ZZEF1: variants seen among roughly 807,000 people sequenced by gnomAD.
The protein encoded by ZZEF1 is zinc finger ZZ-type and EF-hand domain-containing protein 1.
In ZZEF1, 157 loss-of-function variants were observed where a neutral mutation model predicts 342.8. The observed-to-expected ratio is 0.46, with a 90% CI of 0.40 to 0.52. ZZEF1 has a LOEUF of 0.52. ZZEF1 is among the 20% of genes least tolerant of loss of function. The pLI is 0.00. For missense variants in ZZEF1, 3,480 were observed against 3,725.6 expected (o/e 0.93, Z 1.72); for synonymous variants, 1,505 against 1,429.1 (o/e 1.05, Z -1.20).
intron 26 of ZZEF1, among the ~76,000 whole-genome samples, chr17:4,068,107 T>C (rs999339637): frequency 6.6e-6 from 1 of 152,086 alleles, no homozygotes; most frequent in African/African-American, 2.4e-5. Flanking sequence ...AAAATGTGTA[T>C]GGATACACAT....
chr17:4,077,126 G>A (rs1013085284), intron 19 of ZZEF1, 137 bp from the exon 20 acceptor site: 6 of 768,576 alleles, frequency 7.8e-6, no homozygotes, highest in Non-Finnish European at 1.1e-5. Flanking sequence ...GCCAGCAAGT[G>A]CCGTCCTAAT....
chr17:4,049,586 T>C (rs865860204), intron 37 of ZZEF1, 122 bp downstream of exon 37: 4 of 1,133,826 alleles, frequency 3.5e-6, no homozygotes, highest in Middle Eastern at 4.3e-4. Context: ...GGAGCAGGCA[T>C]GTGAATCCAG....
intron 21 of ZZEF1, among the ~76,000 whole-genome samples, chr17:4,075,754 C>T (rs2057599840): frequency 2.0e-5 from 3 of 151,582 alleles, no homozygotes; most frequent in Admixed American, 2.0e-4. Flanking sequence ...GTTTAAAGAC[C>T]TCACATTCCT....
At position 4,112,821 on chromosome 17, in the gene ZZEF1, A is replaced by G. The variant is rs1271691633; in HGVS notation, c.867-13T>C. Reference sequence around the variant, plus strand: ...CTTCATTTTTAAACTGGAAAACACAAAAAGCAGAAATTACAAATGTTTATA... The same window carrying G: ...CTTCATTTTTAAACTGGAAAACACAGAAAGCAGAAATTACAAATGTTTATA... On this transcript the variant is annotated splice_polypyrimidine_tract_variant and intron_variant, in intron 4 of 54. Transcript: ENST00000381638. The G allele has an allele frequency of 3.9e-6, 6 of 1,542,762 alleles. No homozygotes were observed. The Admixed American group carries it at 8.2e-5, about 21-fold the overall frequency.
intron 42 of ZZEF1, among the ~76,000 whole-genome samples, chr17:4,030,343 CT>C (rs1197648686): frequency 1.3e-5 from 2 of 152,152 alleles, no homozygotes; most frequent in Non-Finnish European, 2.9e-5. Flanking sequence ...TCTAAATAAA[CT>C]GAATGATGTA....
intron 24 of ZZEF1, 57 bp downstream of exon 24, chr17:4,074,093 C>T (rs1270725951): frequency 2.3e-5 from 36 of 1,588,238 alleles, no homozygotes; most frequent in Middle Eastern, 1.9e-4. Flanking sequence ...AGGGCAAGCG[C>T]GCATCTTGCA....
chr17:4,007,098 C>A, intron 54 of ZZEF1, 128 bp from the exon 55 acceptor site: 1 of 762,722 alleles, frequency 1.3e-6, no homozygotes, highest in Non-Finnish European at 2.1e-6. Flanking sequence ...TGTTCCCCTC[C>A]CCCACAGGCC....
intron 30 of ZZEF1, 32 bp downstream of exon 30, chr17:4,062,721 G>A: frequency 1.9e-6 from 3 of 1,554,002 alleles, no homozygotes; most frequent in East Asian, 2.3e-5. Context: ...GATCTTTGCT[G>A]TTTTCCTTCT....
intron 29 of ZZEF1, among the ~76,000 whole-genome samples, chr17:4,063,734 T>C (rs1179469625): frequency 6.7e-6 from 1 of 150,036 alleles, no homozygotes; most frequent in East Asian, 2.0e-4. Flanking sequence ...GGTCATTTTT[T>C]TTTTTTTTTT....
intron 46 of ZZEF1, among the ~76,000 whole-genome samples, chr17:4,018,981 T>C (rs2056191501): frequency 7.3e-6 from 1 of 137,606 alleles, no homozygotes; most frequent in South Asian, 2.1e-4. Flanking sequence ...TGCCTACCTC[T>C]GGACTGTTAT....
intron 39 of ZZEF1, among the ~76,000 whole-genome samples, chr17:4,039,641 CTTTTTTTTTTT>C (rs1166970366): frequency 8.4e-6 from 1 of 119,598 alleles, no homozygotes; most frequent in Non-Finnish European, 1.7e-5. Context: ...AGAAAGAGAA[CTTTTTTTTTTT>C]TTTTTTTTTG....
At chr17:4,130,846 G>A (rs2058651976) in intron 1 of ZZEF1, among the ~76,000 whole-genome samples, 2 of 152,162 alleles carry the variant, frequency 1.3e-5, no homozygotes, top group Admixed American at 6.6e-5. Flanking sequence ...GCATCACAGT[G>A]AAATTTTTTA....
At position 4,095,975 on chromosome 17, in the gene ZZEF1, C is replaced by T. The variant is rs779043165; in HGVS notation, c.1769G>A (p.Arg590Gln). The change falls in exon 11 of 55, where the codon CGA becomes CAA. Residue 590 changes from arginine (R) to glutamine (Q), a missense_variant. By Grantham distance (43) the Arg-to-Gln change is conservative (BLOSUM62 1). Transcript: ENST00000381638. ...FQVTQIRIMV[R>Q]RGGIGAQCGL... is the part of the protein sequence containing the mutation. ...ACACTGGGCACCAATGCCACCACGT[C>T]GAACCTGGAAACAGAGATTAGGATG... The T allele has an allele frequency of 1.1e-5, 17 of 1,607,932 alleles. No individual in the cohort carries two copies. The highest frequency in any genetic ancestry group is 3.4e-6 in the Non-Finnish European group (4 of 1,176,638).
intron 6 of ZZEF1, among the ~76,000 whole-genome samples, chr17:4,106,866 T>C (rs1326618361): frequency 6.6e-6 from 1 of 152,202 alleles, no homozygotes; most frequent in Admixed American, 6.5e-5. Flanking sequence ...CGCTTAATGA[T>C]AATGGTAATG....
At chr17:4,134,622 CACA>C (rs1479277419) in intron 1 of ZZEF1, among the ~76,000 whole-genome samples, 1 of 151,978 alleles carries the variant, frequency 6.6e-6, no homozygotes, top group Non-Finnish European at 1.5e-5. Context: ...TTATATTTTC[CACA>C]ACAACTCTAA....
intron 2 of ZZEF1, among the ~76,000 whole-genome samples, chr17:4,121,254 T>C (rs762818254): frequency 2.0e-5 from 3 of 152,206 alleles, no homozygotes; most frequent in Non-Finnish European, 4.4e-5. Context: ...GGTGTCCAAA[T>C]AAAGCTCCTG....
intron 39 of ZZEF1, among the ~76,000 whole-genome samples, chr17:4,039,641 CTT>C (rs1166970366): frequency 3.5e-4 from 42 of 119,536 alleles, no homozygotes; most frequent in African/African-American, 9.1e-4. Context: ...AGAAAGAGAA[CTT>C]TTTTTTTTTT....
chr17:4,054,530 C>T (rs534998081), intron 33 of ZZEF1, among the ~76,000 whole-genome samples: 2 of 152,012 alleles, frequency 1.3e-5, no homozygotes, highest in South Asian at 4.2e-4. Context: ...CTAGACGGGT[C>T]GGGGTAAGGG....
rs560237471 is a variant in ZZEF1 at position 4,076,354 on chromosome 17, C to T, written c.3234+283G>A. On this transcript the variant is annotated intron_variant, in intron 21 of 54. Coordinates refer to ENST00000381638, the MANE Select transcript of ZZEF1 (RefSeq NM_015113.4). ...TTCACCGTGTTAGCCAGGATGGTCT[C>T]GATCTCCTGACCTCGTGATCCGCCC... 4.8e-4 allele frequency: 95 copies of T among 199,502 alleles called. 1 individual carries two copies. The Middle Eastern group carries it at 6.0e-3, about 13-fold the overall frequency. 12.4% of individuals were successfully genotyped at this position (199,502 alleles called of 1,614,324 possible). A position where few individuals can be genotyped will look rare whatever the true frequency, so the allele number is the denominator to read the frequency against.
Sources: allele counts gnomAD v4.1 joint callset (sites outside exome capture counted in the v4.1 genomes callset), GRCh38; gene constraint gnomAD v4.1.1; transcripts MANE v1.5; gene names NCBI Gene and HGNC (gene_info 2026-07-23, HGNC 2026-07-21).